The following DNAH14 variants were observed in gnomAD, a reference collection of about 807,000 sequenced individuals.
DNAH14 encodes the protein axonemal beta dynein heavy chain 14.
Under a neutral mutation model 520.9 loss-of-function variants are expected in DNAH14, and 478 were observed. The ratio of observed to expected loss-of-function variants is 0.92; its 90% CI spans 0.85 to 0.99. The LOEUF (loss-of-function observed/expected upper bound fraction) is 0.99, where lower values mean the gene tolerates loss of function less well. Among genes scored for constraint, DNAH14 ranks in the 50% least tolerant of loss-of-function variants. The probability of loss-of-function intolerance (pLI) is 0.00; values close to 1 mark genes in which losing one functional copy is unlikely to be tolerated. For missense variants in DNAH14, 4,831 were observed against 5,234.5 expected, an observed-to-expected ratio of 0.92 and a Z score of 2.38; for synonymous variants, 1,581 against 1,757.2, an observed-to-expected ratio of 0.90 and a Z score of 2.51.
intron 28 of DNAH14, 123 bp from the exon 29 acceptor site, chr1:225,144,274 T>C: frequency 2.7e-6 from 2 of 752,236 alleles, no homozygotes; most frequent in African/African-American, 1.8e-5. Flanking sequence ...GATTTTAATT[T>C]TTTAACTTCT....
intron 44 of DNAH14, among the ~76,000 whole-genome samples, chr1:225,254,074 T>TC (rs1344822023): frequency 6.6e-6 from 1 of 152,068 alleles, no homozygotes; most frequent in Non-Finnish European, 1.5e-5. Flanking sequence ...CCTATTTTTT[T>TC]CTCCCCTTTC....
chr1:224,986,220 A>C (rs116600222), intron 8 of DNAH14, among the ~76,000 whole-genome samples: 3 of 151,898 alleles, frequency 2.0e-5, no homozygotes, highest in Non-Finnish European at 4.4e-5. Flanking sequence ...TAGCAATCCT[A>C]CTCAAACTAT....
intron 44 of DNAH14, 70 bp from the exon 45 acceptor site, chr1:225,257,887 CAAA>C (rs35313445): frequency 8.8e-4 from 836 of 953,820 alleles, no homozygotes; most frequent in South Asian, 1.3e-3. Flanking sequence ...ATCCTAATGA[CAAA>C]AAAAAAAAAA....
At chr1:225,188,388 C>A (rs1254247928) in intron 37 of DNAH14, among the ~76,000 whole-genome samples, 1 of 151,906 alleles carries the variant, frequency 6.6e-6, no homozygotes, top group East Asian at 1.9e-4. Context: ...AGATTACATT[C>A]ATATCAGTTT....
At position 224,968,866 on chromosome 1, in the gene DNAH14, T is replaced by C. The variant is rs757883216; in HGVS notation, c.759T>C (p.Ser253=). The part of the protein sequence containing the change: ...YYLLRQFKIF[S]DFRMNKAFVT... ...TATTACGGCAATTCAAGATATTTTC[T>C]GATTTCCGGTGAGGTGAAAAAAATG... The change falls in exon 7 of 86, where the codon TCT becomes TCC. Residue 253 remains serine (S), a synonymous_variant. Transcript: ENST00000682510. 3.3e-6 allele frequency: 5 copies of C among 1,537,308 alleles called. No individual in the cohort carries two copies. The highest frequency in any genetic ancestry group is 3.3e-4 in the Middle Eastern group (2 of 5,974).
chr1:225,398,927 A>C (rs2096062292), intron 85 of DNAH14, 127 bp from the exon 86 acceptor site: 1 of 864,748 alleles, frequency 1.2e-6, no homozygotes, highest in African/African-American at 1.7e-5. Flanking sequence ...ATGCTGTTAC[A>C]TTAACCATTT....
intron 55 of DNAH14, among the ~76,000 whole-genome samples, chr1:225,291,691 C>T (rs919985620): frequency 6.6e-6 from 1 of 152,070 alleles, no homozygotes; most frequent in African/African-American, 2.4e-5. Flanking sequence ...ACATTCCCAC[C>T]GACAGTGTAC....
At chr1:225,363,858 G>A (rs1308783856) in intron 75 of DNAH14, among the ~76,000 whole-genome samples, 2 of 152,100 alleles carry the variant, frequency 1.3e-5, no homozygotes, top group African/African-American at 4.8e-5. Flanking sequence ...GTCTGTATAG[G>A]TTCAGTACAG....
At chr1:224,990,321 A>G (rs2125752328) in intron 8 of DNAH14, among the ~76,000 whole-genome samples, 1 of 152,288 alleles carries the variant, frequency 6.6e-6, no homozygotes, top group African/African-American at 2.4e-5. Flanking sequence ...TTGGGTGAAA[A>G]CATTTGAAAT....
intron 1 of DNAH14, among the ~76,000 whole-genome samples, chr1:224,940,676 C>G (rs1273500879): frequency 6.6e-6 from 1 of 151,916 alleles, no homozygotes; most frequent in African/African-American, 2.4e-5. Flanking sequence ...CCCCCTTCCC[C>G]CCACCCCACA....
intron 23 of DNAH14, among the ~76,000 whole-genome samples, chr1:225,101,089 G>C (rs1309255116): frequency 1.3e-5 from 2 of 151,640 alleles, no homozygotes; most frequent in African/African-American, 4.8e-5. Flanking sequence ...ATGACCATTG[G>C]TAAATTATCA....
intron 27 of DNAH14, among the ~76,000 whole-genome samples, chr1:225,134,661 C>T (rs947666074): frequency 6.6e-6 from 1 of 152,132 alleles, no homozygotes; most frequent in Non-Finnish European, 1.5e-5. Context: ...CAGTGTTCTT[C>T]AGGGATATTG....
At chr1:225,104,432 A>G (rs547752888) in intron 23 of DNAH14, among the ~76,000 whole-genome samples, 71 of 152,116 alleles carry the variant, frequency 4.7e-4, no homozygotes, top group African/African-American at 1.6e-3. Context: ...CTCTTTTTCT[A>G]TTGTTTGGAA....
At chr1:225,287,142 T>A (rs1403151120) in intron 54 of DNAH14, among the ~76,000 whole-genome samples, 5 of 152,144 alleles carry the variant, frequency 3.3e-5, no homozygotes, top group Non-Finnish European at 5.9e-5. Context: ...GGTGAACACA[T>A]GACACTATAT....
At chr1:225,018,074 CT>C (rs2065358756) in intron 10 of DNAH14, among the ~76,000 whole-genome samples, 5 of 152,266 alleles carry the variant, frequency 3.3e-5, no homozygotes, top group Admixed American at 3.3e-4. Context: ...GTTGAAATTG[CT>C]GTAATGTCAC....
At chr1:225,139,098 A>T (rs192175373) in intron 27 of DNAH14, among the ~76,000 whole-genome samples, 76 of 152,312 alleles carry the variant, frequency 5.0e-4, no homozygotes, top group African/African-American at 1.7e-3. Context: ...GATTGTGGAC[A>T]CAAGTTATTA....
At chr1:225,196,492 C>G (rs6675738) in intron 38 of DNAH14, among the ~76,000 whole-genome samples, 45 of 152,136 alleles carry the variant, frequency 3.0e-4, no homozygotes, top group African/African-American at 1.0e-3. Flanking sequence ...GTGCAAATAC[C>G]TTTTTCATGT....
chr1:225,192,397 T>C (rs2085565699), intron 37 of DNAH14, among the ~76,000 whole-genome samples: 1 of 152,094 alleles, frequency 6.6e-6, no homozygotes, highest in South Asian at 2.1e-4. Flanking sequence ...CTCAACCCTG[T>C]CCCCAGACAC....
chr1:225,160,686 A>G (rs1327642601), intron 35 of DNAH14, among the ~76,000 whole-genome samples: 1 of 152,108 alleles, frequency 6.6e-6, no homozygotes, highest in Non-Finnish European at 1.5e-5. Context: ...ACAAACCACT[A>G]TCTTAAGATT....
Sources: gnomAD v4.1 joint callset for allele counts (sites outside exome capture counted in the v4.1 genomes callset) on GRCh38, gnomAD v4.1.1 for gene constraint, MANE v1.5 for transcripts, NCBI Gene and HGNC (gene_info 2026-07-23, HGNC 2026-07-21) for gene names.